ADAMTS8: variants seen among roughly 807,000 people sequenced by gnomAD.
The protein encoded by ADAMTS8 is A disintegrin and metalloproteinase with thrombospondin motifs 8.
In ADAMTS8, 50 loss-of-function variants were observed where a neutral mutation model predicts 64.4. That is an observed-to-expected ratio of 0.78 (90% CI 0.62 to 0.98). ADAMTS8 has a LOEUF of 0.98. ADAMTS8 is among the 50% of genes least tolerant of loss of function. ADAMTS8 has a pLI of 0.00. For synonymous variants in ADAMTS8, 556 were observed against 533.6 expected, an observed-to-expected ratio of 1.04 and a Z score of -0.58; for missense variants, 1,192 against 1,208.2, an observed-to-expected ratio of 0.99 and a Z score of 0.20.
chr11:130,427,443 G>C, intron 1 of ADAMTS8, 124 bp downstream of exon 1: 1 of 1,103,546 alleles, frequency 9.1e-7, no homozygotes, highest in South Asian at 1.7e-5. Context: ...GAAGATGAGT[G>C]GGGAGGGCTT....
In ADAMTS8 at chr11:130,428,222, GGCAGCAGCAGCAGCA is replaced by G; in HGVS notation, c.50_64del (p.Leu17_Leu21del). The G allele has an allele frequency of 8.3e-7, 1 of 1,199,502 alleles. No homozygotes were observed. The highest frequency in any genetic ancestry group is 1.0e-6 in the Non-Finnish European group (1 of 967,886). 74.3% of individuals were successfully genotyped at this position (1,199,502 alleles called of 1,614,324 possible). A position where few individuals can be genotyped will look rare whatever the true frequency, so the allele number is the denominator to read the frequency against. ...CCGGGCCGGGGCGCCGCGGGCCAGC[GGCAGCAGCAGCAGCA>G]GCAGCAGCAGGAGCGGAGGCCACCG... On this transcript the variant is annotated inframe_deletion, in exon 1 of 9. Transcript: ENST00000257359.
Position 130,428,407 on chromosome 11 carries a change from A to C in ADAMTS8, c.-121T>G. 8.9e-7 allele frequency: 1 copy of C among 1,119,086 alleles called. No homozygotes were observed. Among genetic ancestry groups the C allele is most frequent in the Non-Finnish European group, 1.1e-6 (1 of 913,284 alleles). 69.3% of individuals were successfully genotyped at this position (1,119,086 alleles called of 1,614,324 possible). ...AGGAAAAGCGGAATCAATCGGGTGC[A>C]AGGCCGACTCGGCCCGCGGGGCCCG... On this transcript the variant is annotated 5_prime_UTR_variant, in exon 1 of 9. Coordinates refer to ENST00000257359, the MANE Select transcript of ADAMTS8 (RefSeq NM_007037.6).
chr11:130,417,181 G>GA, intron 2 of ADAMTS8, 106 bp from the exon 3 acceptor site: 1 of 1,429,870 alleles, frequency 7.0e-7, no homozygotes, highest in Non-Finnish European at 9.6e-7. Context: ...GTGGACCACT[G>GA]AGCGTCCCAT....
At chr11:130,425,897 G>A (rs113221386) in intron 1 of ADAMTS8, among the ~76,000 whole-genome samples, 7,101 of 152,134 alleles carry the variant, frequency 0.047, 211 homozygotes, top group Middle Eastern at 0.1. Flanking sequence ...CACCGTGCCC[G>A]GCCATCTTAG....
At position 130,408,479 on chromosome 11, in the gene ADAMTS8, G is replaced by A. The variant is rs1430364244; in HGVS notation, c.2084C>T (p.Ser695Phe). ...KGNSCRKVSG[S>F]LTPTNYGYND... ...GGAGACTCACTTGGTGGGGGTGAGG[G>A]ACCCGGAGACCTTCCTGCAGGAGTT... is the stretch of plus-strand genomic sequence containing the variant. The change falls in exon 8 of 9, where the codon TCC becomes TTC. Residue 695 changes from serine to phenylalanine, a missense_variant. By Grantham distance (155) the Ser-to-Phe change is radical. Transcript: ENST00000257359. The A allele has an allele frequency of 1.2e-6, 2 of 1,613,656 alleles. No individual in the cohort carries two copies. The highest frequency in any genetic ancestry group is 1.7e-6 in the Non-Finnish European group (2 of 1,180,026).
chr11:130,419,418 A>G (rs1862071596), intron 1 of ADAMTS8, 126 bp from the exon 2 acceptor site: 4 of 1,351,056 alleles, frequency 3.0e-6, no homozygotes, highest in South Asian at 2.7e-5. Context: ...AAGCCTCACA[A>G]TACCCCCGAG....
At chr11:130,421,832 G>A (rs1251897151) in intron 1 of ADAMTS8, among the ~76,000 whole-genome samples, 1 of 152,198 alleles carries the variant, frequency 6.6e-6, no homozygotes, top group Non-Finnish European at 1.5e-5. Flanking sequence ...CCTGCGGCTG[G>A]TCAAGGAGGA....
At position 130,405,995 on chromosome 11, in the gene ADAMTS8, T is replaced by G; in HGVS notation, c.2233A>C (p.Asn745His). ...LKTADGQYLL[N>H]GNLAISAIEQ... is the part of the protein sequence containing the mutation. ...ATGGCAGAGATGGCCAGGTTGCCGT[T>G]GAGCAGGTACTGCCCATCAGCCGTC... The change falls in exon 9 of 9, where the codon AAC becomes CAC. Residue 745 changes from asparagine (N) to histidine (H), a missense_variant. By Grantham distance (68) the Asn-to-His change is moderately conservative. Transcript: ENST00000257359. The G allele has an allele frequency of 6.2e-7, 1 of 1,614,202 alleles. No individual in the cohort carries two copies. Among genetic ancestry groups the G allele is most frequent in the Non-Finnish European group, 8.5e-7 (1 of 1,180,034 alleles).
At chr11:130,420,225 G>A (rs1247550891) in intron 1 of ADAMTS8, among the ~76,000 whole-genome samples, 3 of 152,194 alleles carry the variant, frequency 2.0e-5, no homozygotes, top group East Asian at 3.9e-4. Context: ...GAGGACCCAT[G>A]TGCTTGGGAT....
intron 1 of ADAMTS8, among the ~76,000 whole-genome samples, chr11:130,425,078 G>A (rs1048611977): frequency 1.6e-4 from 24 of 152,124 alleles, no homozygotes; most frequent in South Asian, 4.2e-4. Flanking sequence ...GCTGGGAAAG[G>A]TCCAGAAATG....
chr11:130,410,702 G>T (rs1273792400), intron 6 of ADAMTS8, among the ~76,000 whole-genome samples: 1 of 152,194 alleles, frequency 6.6e-6, no homozygotes, highest in Non-Finnish European at 1.5e-5. Flanking sequence ...GGATGGTGGG[G>T]AAAAACCTTG....
chr11:130,409,016 TA>T (rs1401009431), intron 6 of ADAMTS8, 76 bp from the exon 7 acceptor site: 6 of 1,485,168 alleles, frequency 4.0e-6, no homozygotes, highest in African/African-American at 1.4e-5. Flanking sequence ...ATCCCGAATT[TA>T]CAGCACTTTT....
At chr11:130,410,159 C>T (rs2134675462) in intron 6 of ADAMTS8, among the ~76,000 whole-genome samples, 1 of 152,318 alleles carries the variant, frequency 6.6e-6, no homozygotes, top group Non-Finnish European at 1.5e-5. Flanking sequence ...TTCAAAGCTT[C>T]CGCTCACCCA....
Position 130,411,275 on chromosome 11 carries a change from C to T in ADAMTS8, c.1750+142G>A. ...AGATCACAGGCAAAACTCTACATCCCAGGAGACCCAATTTACTCCCCTCTG... is the reference window on the plus strand; with the variant it reads ...AGATCACAGGCAAAACTCTACATCCTAGGAGACCCAATTTACTCCCCTCTG... On this transcript the variant is annotated intron_variant, in intron 6 of 8. Transcript: ENST00000257359. This position sits in a 1 kb window ranked among gnomAD's most constrained non-coding sequence, Gnocchi z 4.2. The T allele has an allele frequency of 2.9e-6, 3 of 1,037,260 alleles. No individual in the cohort carries two copies. The highest frequency in any genetic ancestry group is 4.1e-6 in the Non-Finnish European group (3 of 724,376). The allele number at this position is 1,037,260 out of a possible 1,614,324, so 64.3% of individuals were successfully genotyped here.
At chr11:130,408,732 C>T (rs1467372747) in intron 7 of ADAMTS8, 36 bp downstream of exon 7, 1 of 1,613,218 alleles carries the variant, frequency 6.2e-7, no homozygotes, top group Admixed American at 1.7e-5. Context: ...GACCTTCCTC[C>T]CCATCTCTGG....
chr11:130,425,381 A>G (rs1318989112), intron 1 of ADAMTS8, among the ~76,000 whole-genome samples: 1 of 152,124 alleles, frequency 6.6e-6, no homozygotes, highest in African/African-American at 2.4e-5. Context: ...AGTTATCTCC[A>G]GCGTCCAGGT....
Position 130,405,828 on chromosome 11 carries a change from TG to T in ADAMTS8, c.2399del (p.Pro800GlnfsTer58). The T allele has an allele frequency of 6.2e-7, 1 of 1,613,962 alleles. No individual in the cohort carries two copies. Among genetic ancestry groups the T allele is most frequent in the African/African-American group, 1.3e-5 (1 of 75,060 alleles). On this transcript the variant is annotated frameshift_variant, in exon 9 of 9. Coordinates refer to ENST00000257359, the MANE Select transcript of ADAMTS8 (RefSeq NM_007037.6). LOFTEE classifies it low-confidence loss of function (END_TRUNC). ...LLTVPGEVFP[P>X]KVKYTFFVPN... ...GAACAAAGAAGGTGTATTTGACTTT[TG>T]GGGGGAAGACCTCGCCAGGGACTGT...
rs1862211726 is a variant in ADAMTS8, at chr11:130,428,350, GGCGGCCCGAGC to G, written c.-75_-65del. On this transcript the variant is annotated 5_prime_UTR_variant, in exon 1 of 9. Coordinates refer to ENST00000257359, the MANE Select transcript of ADAMTS8 (RefSeq NM_007037.6). The stretch of plus-strand genomic sequence containing the variant: ...AGCCCGCCAGGCGCGGGCAGGTGCT[GGCGGCCCGAGC>G]GCGGCCCGGCCGCTCTCTCCAGGAA... 5 of 1,248,514 alleles carry G rather than the reference GGCGGCCCGAGC, an allele frequency of 4.0e-6. No individual in the cohort carries two copies. The highest frequency in any genetic ancestry group is 3.6e-5 in the South Asian group (2 of 55,880). The allele number at this position is 1,248,514 out of a possible 1,614,324, so 77.3% of individuals were successfully genotyped here. A position where few individuals can be genotyped will look rare whatever the true frequency, so the allele number is the denominator to read the frequency against.
rs1406107151 is a variant in ADAMTS8 at position 130,428,107 on chromosome 11, G to A, written c.180C>T (p.Phe60=). Residue 60 remains phenylalanine, a synonymous_variant, in exon 1 of 9, where the codon TTC becomes TTT. Transcript: ENST00000257359. The part of the protein sequence containing the change: ...AGELALHLSA[F]GKGFVLRLAP... ...CCAGGCGCAGCACGAAGCCCTTGCC[G>A]AAGGCGGACAGGTGGAGCGCGAGCT... is the stretch of plus-strand genomic sequence containing the variant. The A allele has an allele frequency of 2.0e-6, 3 of 1,531,602 alleles. No individual in the cohort carries two copies. Among genetic ancestry groups the A allele is most frequent in the South Asian group, 1.2e-5 (1 of 83,418 alleles). The allele number at this position is 1,531,602 out of a possible 1,614,324, so 94.9% of individuals were successfully genotyped here.
Sources: gnomAD v4.1 joint callset for allele counts (sites outside exome capture counted in the v4.1 genomes callset) on GRCh38, gnomAD v4.1.1 for gene constraint, Gnocchi (gnomAD v3.1) non-coding constraint, MANE v1.5 for transcripts, NCBI Gene and HGNC (gene_info 2026-07-23, HGNC 2026-07-21) for gene names.